ABCA13: variants seen among roughly 807,000 people sequenced by gnomAD.
The protein encoded by ABCA13 is ATP binding cassette subfamily A member 13.
A neutral mutation model predicts 478.7 loss-of-function variants in ABCA13; 476 were observed. The ratio of observed to expected loss-of-function variants is 0.99; its 90% CI spans 0.92 to 1.07. The LOEUF (loss-of-function observed/expected upper bound fraction) is 1.07. ABCA13 is among the 50% of genes least tolerant of loss of function. ABCA13 has a pLI of 0.00. For missense variants in ABCA13, 6,060 were observed against 5,910.6 expected (o/e 1.03, Z -0.83); for synonymous variants, 2,252 against 2,158.9 (o/e 1.04, Z -1.20).
At chr7:48,428,760 T>C (rs13244050) in intron 42 of ABCA13, among the ~76,000 whole-genome samples, 5,052 of 152,310 alleles carry the variant, frequency 0.033, 134 homozygotes, top group South Asian at 0.13. Context: ...ATGATTATGT[T>C]AGGCATATAT....
At chr7:48,335,562 G>A in intron 28 of ABCA13, 27 bp downstream of exon 28, 1 of 1,582,478 alleles carries the variant, frequency 6.3e-7, no homozygotes, top group Non-Finnish European at 8.7e-7. Context: ...TGCCACCGAG[G>A]GATGGGGAGC....
intron 58 of ABCA13, among the ~76,000 whole-genome samples, chr7:48,608,406 C>T (rs1056696473): frequency 2.6e-5 from 4 of 152,218 alleles, no homozygotes; most frequent in Admixed American, 6.5e-5. Context: ...TGCATGTGGA[C>T]AGCCTCTGGG....
intron 3 of ABCA13, among the ~76,000 whole-genome samples, chr7:48,210,271 A>G (rs1181083656): frequency 6.6e-6 from 1 of 152,052 alleles, no homozygotes; most frequent in African/African-American, 2.4e-5. Flanking sequence ...ATCTCATGAG[A>G]ACTCACTCAC....
intron 59 of ABCA13, among the ~76,000 whole-genome samples, chr7:48,625,351 G>A (rs1793567234): frequency 6.6e-6 from 1 of 152,184 alleles, no homozygotes; most frequent in African/African-American, 2.4e-5. Flanking sequence ...CACAAATGGG[G>A]AAGGAAGTTT....
chr7:48,523,544 G>A (rs34941461), intron 53 of ABCA13, among the ~76,000 whole-genome samples: 13,057 of 151,486 alleles, frequency 0.086, 952 homozygotes, highest in African/African-American at 0.2. Context: ...TAACTCAGTC[G>A]TTATCATTAA....
rs1246958850 is a variant in ABCA13, at chr7:48,295,683, A to G, written c.8956-17A>G. 1 of 1,613,786 alleles carries G rather than the reference A, an allele frequency of 6.2e-7. No individual in the cohort carries two copies. The highest frequency in any genetic ancestry group is 1.1e-5 in the South Asian group (1 of 91,076). On this transcript the variant is annotated splice_polypyrimidine_tract_variant and intron_variant, in intron 20 of 61. Transcript: ENST00000435803. ...AGTATGTGTGCTTCTAACCTATATC[A>G]TTGCTATGTTTTCTAGGAAATTGAA...
chr7:48,292,350 G>A (rs1236251122), intron 20 of ABCA13, among the ~76,000 whole-genome samples: 2 of 151,906 alleles, frequency 1.3e-5, no homozygotes, highest in Non-Finnish European at 2.9e-5. Flanking sequence ...ATGTTTCCCT[G>A]ATCTGGCCAT....
intron 4 of ABCA13, among the ~76,000 whole-genome samples, chr7:48,220,117 G>T (rs1013602631): frequency 2.0e-5 from 3 of 152,044 alleles, no homozygotes; most frequent in African/African-American, 7.2e-5. Flanking sequence ...ATTATAAATG[G>T]CTTCATCTTA....
intron 55 of ABCA13, among the ~76,000 whole-genome samples, chr7:48,555,076 A>G (rs997265796): frequency 6.6e-6 from 1 of 151,852 alleles, no homozygotes; most frequent in Non-Finnish European, 1.5e-5. Context: ...CTTTTTCAGT[A>G]TCAATTGAAA....
chr7:48,483,116 G>A lies in ABCA13; in HGVS notation c.13135G>A (p.Ala4379Thr), dbSNP rs1828938981. 6.2e-7 allele frequency: 1 copy of A among 1,613,200 alleles called. No individual in the cohort carries two copies. Among genetic ancestry groups the A allele is most frequent in the African/African-American group, 1.3e-5 (1 of 74,928 alleles). The change falls in exon 47 of 62, where the codon GCT becomes ACT. Residue 4379 changes from alanine to threonine, a missense_variant. Ala to Thr is a moderately conservative substitution (Grantham distance 58). Transcript: ENST00000435803. ...WSFGLKIPSEAGGANGNISKP... is the reference protein window; with the variant it reads ...WSFGLKIPSETGGANGNISKP... ...TTTTGGATTAAAAATCCCCAGTGAAGCTGGAGGTGCAAATGGAAACATATC... is the reference window on the plus strand; with the variant it reads ...TTTTGGATTAAAAATCCCCAGTGAAACTGGAGGTGCAAATGGAAACATATC...
At position 48,491,914 on chromosome 7, in the gene ABCA13, C is replaced by T. The variant is rs1396622642; in HGVS notation, c.13291+2570C>T. Among the ~76,000 whole-genome samples the T allele has an allele frequency of 6.6e-5, 10 of 152,170 alleles. No individual in the cohort carries two copies. The East Asian group carries it at 9.6e-4, about 15-fold the overall frequency. Reference sequence around the variant, plus strand: ...CAGAAGCTGTGTCTTGCTCCCTGTTCGTCTCAGCAGTCGCACAGCACCAGG... The same window carrying T: ...CAGAAGCTGTGTCTTGCTCCCTGTTTGTCTCAGCAGTCGCACAGCACCAGG... On this transcript the variant is annotated intron_variant, in intron 48 of 61. Transcript: ENST00000435803.
Position 48,278,324 on chromosome 7 carries a change from A to G in ABCA13, c.7130A>G (p.Asn2377Ser). ...NALLRETSMK[N>S]KTENNIDFFT... ...CTTCTCAGGGAAACTTCAATGAAAA[A>G]TAAGACTGAAAATAATATAGACTTT... Residue 2377 changes from asparagine (N) to serine (S), a missense_variant, in exon 18 of 62, where the codon AAT becomes AGT. Around this residue, in one of 3 missense-constraint regions of ABCA13, gnomAD observed 4,423 missense variants for 4,309.1 expected, o/e 1.03. Transcript: ENST00000435803. 6.2e-7 allele frequency: 1 copy of G among 1,612,900 alleles called. No homozygotes were observed. Among genetic ancestry groups the G allele is most frequent in the Non-Finnish European group, 8.5e-7 (1 of 1,179,224 alleles).
chr7:48,508,412 AC>A (rs1831400896), intron 50 of ABCA13, among the ~76,000 whole-genome samples: 2 of 151,748 alleles, frequency 1.3e-5, no homozygotes, highest in South Asian at 4.2e-4. Context: ...CATGCTTAAC[AC>A]CCCCTCCTGT....
At chr7:48,615,240 C>T (rs1219170718) in intron 58 of ABCA13, 45 bp from the exon 59 acceptor site, 1 of 1,262,920 alleles carries the variant, frequency 7.9e-7, no homozygotes, top group African/African-American at 1.5e-5. Context: ...CAACCCTCCC[C>T]TCTTCAGGAA....
intron 26 of ABCA13, among the ~76,000 whole-genome samples, chr7:48,314,859 C>T (rs544830521): frequency 1.7e-4 from 26 of 152,080 alleles, no homozygotes; most frequent in South Asian, 8.4e-4. Context: ...GAATATGTCA[C>T]GATGGGTACA....
chr7:48,531,920 C>A (rs553439842), intron 55 of ABCA13, among the ~76,000 whole-genome samples: 1 of 151,728 alleles, frequency 6.6e-6, no homozygotes, highest in Non-Finnish European at 1.5e-5. Flanking sequence ...GGGTTTTCTA[C>A]GTATACAATC....
At chr7:48,612,628 C>T (rs10243683) in intron 58 of ABCA13, among the ~76,000 whole-genome samples, 55,857 of 152,010 alleles carry the variant, frequency 0.37, 11,182 homozygotes, top group African/African-American at 0.51. Flanking sequence ...TGGATGAACT[C>T]TTACTTAAAT....
At chr7:48,223,310 G>T (rs1787643843) in intron 5 of ABCA13, among the ~76,000 whole-genome samples, 1 of 152,164 alleles carries the variant, frequency 6.6e-6, no homozygotes, top group Non-Finnish European at 1.5e-5. Context: ...AACTCTCTTG[G>T]CTGGATATAT....
At chr7:48,547,770 A>G (rs193142991) in intron 55 of ABCA13, among the ~76,000 whole-genome samples, 10 of 152,076 alleles carry the variant, frequency 6.6e-5, no homozygotes, top group African/African-American at 2.4e-4. Context: ...ATTATGAAAT[A>G]GGTTTTATGT....
Sources: allele counts gnomAD v4.1 joint callset (sites outside exome capture counted in the v4.1 genomes callset), GRCh38; gene constraint gnomAD v4.1.1; regional missense constraint gnomAD v4.1.1; transcripts MANE v1.5; gene names NCBI Gene and HGNC (gene_info 2026-07-23, HGNC 2026-07-21).